ALDH1L1: variants seen among roughly 807,000 people sequenced by gnomAD.
ALDH1L1 encodes the protein cytosolic 10-formyltetrahydrofolate dehydrogenase.
Under a neutral mutation model 101.1 loss-of-function variants are expected in ALDH1L1, and 68 were observed. That is an observed-to-expected ratio of 0.67 (90% confidence interval 0.55 to 0.82). The LOEUF (loss-of-function observed/expected upper bound fraction) is 0.82, where lower values mean the gene tolerates loss of function less well. Ranked by LOEUF, ALDH1L1 falls within the 40% of genes least tolerant of loss-of-function variation. The pLI is 0.00. For missense variants in ALDH1L1, 1,087 were observed against 1,172.7 expected (o/e 0.93, Z 1.07); for synonymous variants, 486 against 470.8 (o/e 1.03, Z -0.42).
intron 7 of ALDH1L1, 185 bp downstream of exon 7, chr3:126,153,259 C>CCTCGGA (rs1395917474): frequency 2.3e-6 from 2 of 852,508 alleles, no homozygotes; most frequent in Non-Finnish European, 3.7e-6. Context: ...GGGTAAACTG[C>CCTCGGA]CTCGGACACC....
chr3:126,122,315 CTTAACTGAT>C (rs1232897698), intron 16 of ALDH1L1, among the ~76,000 whole-genome samples: 1 of 152,226 alleles, frequency 6.6e-6, no homozygotes, highest in East Asian at 1.9e-4. Context: ...TATTTGCTTT[CTTAACTGAT>C]TTAAAAAGCG....
rs755149924 is a variant in ALDH1L1, at chr3:126,107,153, C to T, written c.2441G>A (p.Arg814Gln). 3.7e-5 allele frequency: 60 copies of T among 1,613,958 alleles called. No individual in the cohort carries two copies. The highest frequency in any genetic ancestry group is 1.6e-4 in the Middle Eastern group (1 of 6,084). Residue 814 changes from arginine (R) to glutamine (Q), a missense_variant, in exon 21 of 23, where the codon CGG becomes CAG. Arg to Gln is a conservative substitution (Grantham distance 43). This residue lies in a region of ALDH1L1 where 442 missense variants were observed against 535.7 expected (regional missense o/e 0.83). Transcript: ENST00000393434. The stretch of plus-strand genomic sequence containing the variant: ...CAGGATTCCCTACCCATCAGCAAAC[C>T]GAGAGATGATCATGACAGGCCCGAA... ...ESFGPVMIIS[R>Q]FADGDLDAVL...
At chr3:126,188,816 CATG>C (rs1431422595) in intron 1 of ALDH1L1, among the ~76,000 whole-genome samples, 1 of 152,130 alleles carries the variant, frequency 6.6e-6, no homozygotes, top group East Asian at 1.9e-4. Context: ...CTATTGGGAG[CATG>C]ATACCAAGAG....
intron 10 of ALDH1L1, 87 bp downstream of exon 10, chr3:126,137,726 C>A: frequency 6.6e-7 from 1 of 1,512,118 alleles, no homozygotes. Context: ...TCTGAATGTC[C>A]AGGTTTCCCC....
Position 126,105,888 on chromosome 3 carries a change from C to T in ALDH1L1, c.2491G>A (p.Glu831Lys). 6.2e-7 allele frequency: 1 copy of T among 1,614,160 alleles called. No individual in the cohort carries two copies. Residue 831 changes from glutamate (E) to lysine (K), a missense_variant, in exon 22 of 23, where the codon GAA becomes AAA. Around this residue, in one of 2 missense-constraint regions of ALDH1L1, gnomAD observed 442 missense variants for 535.7 expected, o/e 0.83. Transcript: ENST00000393434. ...AAGACACCAGAAGCCAGGCCAAATT[C>T]CGTGGCATTGGCCCGAGACAGCACG... is the stretch of plus-strand genomic sequence containing the variant. ...DAVLSRANAT[E>K]FGLASGVFTR...
At chr3:126,179,498 TCAAACAAA>T (rs74555685) in intron 1 of ALDH1L1, among the ~76,000 whole-genome samples, 6 of 151,622 alleles carry the variant, frequency 4.0e-5, no homozygotes, top group Admixed American at 6.6e-5. Context: ...AGACTCTGTC[TCAAACAAA>T]CAAACAAACA....
chr3:126,131,868 A>G (rs4646730), intron 12 of ALDH1L1, among the ~76,000 whole-genome samples: 97,046 of 151,746 alleles, frequency 0.64, 31,046 homozygotes, highest in Middle Eastern at 0.7. Flanking sequence ...CAAAGGGGTC[A>G]TGGCCCAAGA....
intron 1 of ALDH1L1, chr3:126,179,636 C>T (rs903484931): frequency 2.0e-5 from 3 of 152,234 alleles, no homozygotes; most frequent in African/African-American, 7.2e-5. Context: ...ATTTTAGAGA[C>T]AAGAAACTAA....
intron 18 of ALDH1L1, 117 bp from the exon 19 acceptor site, chr3:126,112,997 TCTC>T: frequency 1.2e-6 from 1 of 831,200 alleles, no homozygotes; most frequent in East Asian, 2.7e-5. Flanking sequence ...TGTGTCCTGA[TCTC>T]CTCCTGTGGG....
chr3:126,104,311 G>A (rs1945784280), intron 22 of ALDH1L1: 1 of 169,512 alleles, frequency 5.9e-6, no homozygotes, highest in Admixed American at 5.8e-5. Flanking sequence ...CCCATGACAA[G>A]TGTGAGGCCT....
intron 7 of ALDH1L1, chr3:126,153,187 G>A (rs886842561): frequency 9.4e-6 from 5 of 532,458 alleles, no homozygotes; most frequent in Admixed American, 8.9e-5. Flanking sequence ...AGGGCACTCA[G>A]CCTGGAGATG....
upstream of ALDH1L1, among the ~76,000 whole-genome samples, chr3:126,186,469 G>A (rs372500109): frequency 9.8e-5 from 15 of 152,336 alleles, no homozygotes; most frequent in Admixed American, 7.2e-4. Flanking sequence ...GCCAGGGACA[G>A]CAGGGCCCTG....
chr3:126,185,278 G>C (rs896012399), upstream of ALDH1L1, among the ~76,000 whole-genome samples: 1 of 152,212 alleles, frequency 6.6e-6, no homozygotes, highest in East Asian at 1.9e-4. Context: ...AAACTGGCTG[G>C]TGCCAGCACC....
chr3:126,137,297 T>C (rs567848185), intron 10 of ALDH1L1, among the ~76,000 whole-genome samples: 10 of 152,280 alleles, frequency 6.6e-5, no homozygotes, highest in Admixed American at 2.0e-4. Context: ...CGTCAGTCAT[T>C]TGTCCTCAAT....
chr3:126,126,954 C>T (rs1015480213), intron 14 of ALDH1L1, among the ~76,000 whole-genome samples: 5 of 152,192 alleles, frequency 3.3e-5, no homozygotes, highest in African/African-American at 4.8e-5. Flanking sequence ...GAGGCAGAGA[C>T]GGGGTCTCCC....
In ALDH1L1 at chr3:126,118,090, C is replaced by G. The variant is rs771674005; in HGVS notation, c.1897G>C (p.Val633Leu). The change falls in exon 17 of 23, where the codon GTC becomes CTC. Residue 633 changes from valine to leucine, a missense_variant. Coordinates refer to ENST00000393434, the MANE Select transcript of ALDH1L1 (RefSeq NM_012190.4). ...GGATGGTCTGAGAGTCTCTGGCCGA[C>G]CAGGGAGCCTGTGGGCGGGAGGGAG... ...VNVLPGSGSL[V>L]GQRLSDHPDV... is the part of the protein sequence containing the mutation. 3 of 1,613,672 alleles carry G rather than the reference C, an allele frequency of 1.9e-6. No individual in the cohort carries two copies. Among genetic ancestry groups the G allele is most frequent in the Admixed American group, 3.3e-5 (2 of 59,992 alleles).
upstream of ALDH1L1, among the ~76,000 whole-genome samples, chr3:126,184,965 G>A (rs1210831658): frequency 1.3e-5 from 2 of 152,144 alleles, no homozygotes; most frequent in Admixed American, 6.5e-5. Flanking sequence ...TGCCTCGTGA[G>A]TTACTCATGA....
intron 16 of ALDH1L1, among the ~76,000 whole-genome samples, chr3:126,120,126 A>T (rs898998569): frequency 8.5e-5 from 13 of 152,228 alleles, no homozygotes; most frequent in African/African-American, 3.1e-4. Context: ...GTGCTCCTTG[A>T]TATTTACCCG....
At chr3:126,171,709 T>C (rs1203678536) in intron 1 of ALDH1L1, among the ~76,000 whole-genome samples, 1 of 152,156 alleles carries the variant, frequency 6.6e-6, no homozygotes, top group Non-Finnish European at 1.5e-5. Flanking sequence ...CCTAAGTGAA[T>C]GGACACCCAG....
Sources: allele counts gnomAD v4.1 joint callset (sites outside exome capture counted in the v4.1 genomes callset), GRCh38; gene constraint gnomAD v4.1.1; regional missense constraint gnomAD v4.1.1; transcripts MANE v1.5; gene names NCBI Gene and HGNC (gene_info 2026-07-23, HGNC 2026-07-21).